The following SAMMSON variants were observed in gnomAD, a reference collection of about 807,000 sequenced individuals.
The protein encoded by SAMMSON is survival associated mitochondrial melanoma specific oncogenic non-coding RNA, also known as long intergenic non-protein coding RNA 1212.
At chr3:70,069,418 A>G (rs2067221872) in intron 3 of SAMMSON, 1 of 152,154 alleles carries the variant, frequency 6.6e-6, no homozygotes, top group South Asian at 2.1e-4. Flanking sequence ...GCAGCAAAAC[A>G]GAGAGCTGTA....
rs1056236751 is a variant in SAMMSON at position 70,369,227 on chromosome 3, C to T, written n.913+10903C>T. 4.0e-5 allele frequency among the ~76,000 whole-genome samples: 6 copies of T among 151,666 alleles called. No individual in the cohort carries two copies. In the East Asian group the frequency reaches 1.2e-3, roughly 29 times the overall value. On this transcript the variant is annotated intron_variant and non_coding_transcript_variant, in intron 9 of 9. Transcript: ENST00000642114. ...TTTTGTATATTAACGCTGTATCCTA[C>T]AGCTTCACTATATTCACTTAGTTCC...
chr3:70,057,372 A>G (rs1004789071), intron 3 of SAMMSON, among the ~76,000 whole-genome samples: 6 of 152,034 alleles, frequency 3.9e-5, no homozygotes, highest in Admixed American at 3.9e-4. Context: ...GAATGTTTCT[A>G]TATACATTTT....
chr3:70,189,360 T>C (rs560791102), intron 4 of SAMMSON, among the ~76,000 whole-genome samples: 5 of 152,308 alleles, frequency 3.3e-5, no homozygotes, highest in Admixed American at 1.3e-4. Flanking sequence ...CAATAATATA[T>C]ACACTAAGTT....
chr3:70,089,326 A>G (rs1241044524), intron 4 of SAMMSON, among the ~76,000 whole-genome samples: 2 of 152,208 alleles, frequency 1.3e-5, no homozygotes, highest in African/African-American at 4.8e-5. Flanking sequence ...TGTGCTTAAT[A>G]TGCATCAGCA....
intron 3 of SAMMSON, among the ~76,000 whole-genome samples, chr3:70,051,424 G>C (rs1319957854): frequency 1.4e-5 from 2 of 144,414 alleles, no homozygotes; most frequent in Admixed American, 1.4e-4. Flanking sequence ...GGTGCAAAAA[G>C]TAAGTGCGGT....
chr3:70,289,500 C>T (rs1389059837), intron 6 of SAMMSON, among the ~76,000 whole-genome samples: 5 of 148,996 alleles, frequency 3.4e-5, no homozygotes, highest in African/African-American at 1.2e-4. Flanking sequence ...ACATTTTTTC[C>T]TTCATTTCAA....
chr3:70,292,718 G>A (rs1702250468), intron 7 of SAMMSON, among the ~76,000 whole-genome samples: 2 of 151,668 alleles, frequency 1.3e-5, no homozygotes, highest in African/African-American at 4.8e-5. Context: ...CTTAAAACTA[G>A]ATCTTTGATC....
chr3:70,154,529 C>T lies in SAMMSON; in HGVS notation n.507+82964C>T, dbSNP rs573074352. On this transcript the variant is annotated intron_variant and non_coding_transcript_variant, in intron 4 of 9. Transcript: ENST00000642114. ...GAATTGATCTGGGGTTGGGTCTGAG[C>T]GCTCATCAGCTGTTAAATCTCCTCC... is the stretch of plus-strand genomic sequence containing the variant. Among the ~76,000 whole-genome samples, 36 of 152,084 alleles carry T rather than the reference C, an allele frequency of 2.4e-4. No individual in the cohort carries two copies. The South Asian group carries it at 5.0e-3, about 21-fold the overall frequency.
chr3:70,193,641 A>AAACACCCAAT, intron 4 of SAMMSON, among the ~76,000 whole-genome samples: 1 of 152,284 alleles, frequency 6.6e-6, no homozygotes, highest in Admixed American at 6.5e-5. Context: ...CTTCTTCAAA[A>AAACACCCAAT]AACACCCAAT....
At chr3:70,398,555 A>T (rs1200622755) in intron 2 of SAMMSON, among the ~76,000 whole-genome samples, 1 of 152,200 alleles carries the variant, frequency 6.6e-6, no homozygotes, top group East Asian at 1.9e-4. Context: ...TATGTGTTTG[A>T]CCAGTTTAAG....
At chr3:70,171,324 A>G (rs940116246) in intron 4 of SAMMSON, among the ~76,000 whole-genome samples, 4 of 151,770 alleles carry the variant, frequency 2.6e-5, no homozygotes, top group Non-Finnish European at 5.9e-5. Context: ...GATCACTAGT[A>G]AATCTGGGAG....
intron 4 of SAMMSON, among the ~76,000 whole-genome samples, chr3:70,156,204 A>T (rs2067591338): frequency 6.6e-6 from 1 of 152,068 alleles, no homozygotes; most frequent in Non-Finnish European, 1.5e-5. Context: ...CAATGGTCGG[A>T]TGAGGGTTTG....
At chr3:70,140,960 C>G (rs910286840) in intron 4 of SAMMSON, among the ~76,000 whole-genome samples, 1 of 152,272 alleles carries the variant, frequency 6.6e-6, no homozygotes, top group African/African-American at 2.4e-5. Context: ...TTCCTCCTTT[C>G]TCTCTGGGAC....
intron 4 of SAMMSON, among the ~76,000 whole-genome samples, chr3:70,133,764 G>C (rs1298910603): frequency 6.6e-6 from 1 of 152,144 alleles, no homozygotes; most frequent in Non-Finnish European, 1.5e-5. Context: ...TGTACTGAGG[G>C]AGTGTGAGTA....
chr3:70,323,308 A>G (rs954188377), intron 7 of SAMMSON, among the ~76,000 whole-genome samples: 2 of 152,138 alleles, frequency 1.3e-5, no homozygotes, highest in Non-Finnish European at 2.9e-5. Flanking sequence ...GGCAGGCCTT[A>G]GTGATCCCAA....
chr3:70,017,761 A>G (rs1322219919), intron 3 of SAMMSON, among the ~76,000 whole-genome samples: 1 of 152,166 alleles, frequency 6.6e-6, no homozygotes, highest in Admixed American at 6.5e-5. Flanking sequence ...ACATCCCATC[A>G]ATACCTAATT....
At chr3:70,362,025 C>G (rs1271155130) in intron 9 of SAMMSON, among the ~76,000 whole-genome samples, 3 of 152,004 alleles carry the variant, frequency 2.0e-5, no homozygotes, top group Non-Finnish European at 4.4e-5. Context: ...ATGTTTACAC[C>G]TTGGCTGTTG....
intron 4 of SAMMSON, among the ~76,000 whole-genome samples, chr3:70,236,889 G>A (rs1004979543): frequency 3.3e-5 from 5 of 152,244 alleles, no homozygotes; most frequent in Middle Eastern, 3.4e-3. Flanking sequence ...CAGCCACTGC[G>A]CCTAGCAGAA....
At chr3:70,277,264 T>C (rs1230189254) in intron 6 of SAMMSON, among the ~76,000 whole-genome samples, 5 of 152,358 alleles carry the variant, frequency 3.3e-5, no homozygotes, top group South Asian at 2.1e-4. Context: ...AAAGTGTTAG[T>C]ATATCATTTT....
Sources: allele counts gnomAD v4.1 joint callset (sites outside exome capture counted in the v4.1 genomes callset), GRCh38; gene constraint gnomAD v4.1.1; transcripts MANE v1.5; gene names NCBI Gene and HGNC (gene_info 2026-07-23, HGNC 2026-07-21).